RAD52: variants seen among roughly 807,000 people sequenced by gnomAD.
RAD52 encodes DNA repair protein RAD52 homolog.
RAD52 carries 47 observed loss-of-function variants against 55.5 expected under a neutral mutation model. That is an observed-to-expected ratio of 0.85 (90% CI 0.67 to 1.08). RAD52 has a LOEUF of 1.08. Among genes scored for constraint, RAD52 ranks in the 50% least tolerant of loss-of-function variants. The pLI is 0.00. For missense variants in RAD52, 468 were observed against 522.8 expected (o/e 0.90, Z 1.02); for synonymous variants, 184 against 198.9 (o/e 0.92, Z 0.63).
At chr12:974,425 A>G (rs1958909955) in intron 1 of RAD52, 1 of 152,248 alleles carries the variant, frequency 6.6e-6, no homozygotes. Flanking sequence ...CCTTGTTCCC[A>G]GCTTTCTGCC....
upstream of RAD52, chr12:990,952 A>AGTGTGTGTGTGTGAGT: frequency 1.3e-5 from 2 of 150,144 alleles, no homozygotes; most frequent in South Asian, 4.2e-4. Flanking sequence ...TGTGTGTGTG[A>AGTGTGTGTGTGTGAGT]GTGTGTGTGT....
At chr12:972,493 G>A (rs1187629739) in intron 1 of RAD52, among the ~76,000 whole-genome samples, 6 of 152,220 alleles carry the variant, frequency 3.9e-5, no homozygotes, top group Admixed American at 1.3e-4. Flanking sequence ...TAGGCCAGGC[G>A]TGGTGGCTCA....
At chr12:973,101 G>A (rs532299042) in intron 1 of RAD52, among the ~76,000 whole-genome samples, 3 of 152,106 alleles carry the variant, frequency 2.0e-5, no homozygotes, top group African/African-American at 4.8e-5. Flanking sequence ...ACGGAGTCTC[G>A]CTCTGTCGCC....
intron 8 of RAD52, 51 bp from the exon 9 acceptor site, chr12:916,534 T>A: frequency 3.7e-6 from 6 of 1,605,654 alleles, no homozygotes; most frequent in Non-Finnish European, 5.1e-6. Flanking sequence ...CAGCCGCGGC[T>A]GCTGGGAGGA....
At chr12:934,073 G>A (rs1009773704) in intron 1 of RAD52, among the ~76,000 whole-genome samples, 1 of 148,614 alleles carries the variant, frequency 6.7e-6, no homozygotes, top group Non-Finnish European at 1.5e-5. Context: ...TCGCACTCCA[G>A]CCTGGGTGAC....
At chr12:927,347 A>C (rs1957093857) in intron 5 of RAD52, 84 bp from the exon 6 acceptor site, 10 of 1,011,420 alleles carry the variant, frequency 9.9e-6, no homozygotes, top group Non-Finnish European at 1.5e-5. Context: ...AGCAGGGTTC[A>C]AAGCCGGACT....
chr12:990,734 C>A (rs1355074954), upstream of RAD52: 1 of 152,208 alleles, frequency 6.6e-6, no homozygotes, highest in Non-Finnish European at 1.5e-5. Context: ...TCGATCCCGG[C>A]GCTGCTCCCG....
intron 6 of RAD52, 78 bp from the exon 7 acceptor site, chr12:925,603 T>G: frequency 2.1e-5 from 25 of 1,202,110 alleles, no homozygotes; most frequent in Non-Finnish European, 2.8e-5. Context: ...ATTACAACTT[T>G]TGTACAGGTT....
chr12:914,090 A>G lies in RAD52; in HGVS notation c.999T>C (p.Ala333=). Residue 333 remains alanine, a synonymous_variant, in exon 11 of 12, where the codon GCT becomes GCC. Coordinates refer to ENST00000358495, the MANE Select transcript of RAD52 (RefSeq NM_134424.4). ...KTLEDNSEKW[A]VTPDAGDGVV... ...CACCATCCCCTGCATCGGGAGTCAC[A>G]GCCCACTTTTCAGAGTTGTCTTCAA... 1 of 1,614,200 alleles carries G rather than the reference A, an allele frequency of 6.2e-7. No individual in the cohort carries two copies. The highest frequency in any genetic ancestry group is 8.5e-7 in the Non-Finnish European group (1 of 1,180,024).
intron 9 of RAD52, chr12:916,092 G>C: frequency 2.8e-6 from 3 of 1,053,370 alleles, no homozygotes; most frequent in Non-Finnish European, 3.7e-6. Context: ...TCTAATTCTA[G>C]AAGATTTTAT....
intron 1 of RAD52, among the ~76,000 whole-genome samples, chr12:982,075 G>T (rs901228284): frequency 1.3e-5 from 2 of 152,174 alleles, no homozygotes; most frequent in African/African-American, 4.8e-5. Flanking sequence ...TGGCAGCCTT[G>T]TTGCTAACTG....
chr12:971,154 C>G (rs1659433549), intron 1 of RAD52, among the ~76,000 whole-genome samples: 2 of 152,156 alleles, frequency 1.3e-5, no homozygotes, highest in South Asian at 4.1e-4. Context: ...ACCTATATGT[C>G]TTTACTTCCA....
chr12:913,209 C>A lies in RAD52; in HGVS notation c.*182G>T. On this transcript the variant is annotated 3_prime_UTR_variant, in exon 12 of 12. Coordinates refer to ENST00000358495, the MANE Select transcript of RAD52 (RefSeq NM_134424.4). ...CTACTAGAGTGATGGACAAGCTTTT[C>A]AAAAGTGCTCAGCTCTAACTGCAGT... 1 of 618,310 alleles carries A rather than the reference C, an allele frequency of 1.6e-6. No homozygotes were observed. The highest frequency in any genetic ancestry group is 2.9e-6 in the Non-Finnish European group (1 of 350,574). 38.3% of individuals were successfully genotyped at this position (618,310 alleles called of 1,614,324 possible).
intron 6 of RAD52, 88 bp downstream of exon 6, chr12:927,057 G>T: frequency 1.3e-6 from 2 of 1,517,272 alleles, no homozygotes; most frequent in Non-Finnish European, 1.8e-6. Context: ...GAACCATGTG[G>T]ATGTGTTACC....
intron 1 of RAD52, among the ~76,000 whole-genome samples, chr12:936,596 G>C (rs1957645800): frequency 6.6e-6 from 1 of 151,968 alleles, no homozygotes; most frequent in Non-Finnish European, 1.5e-5. Flanking sequence ...GGGCTCAGGT[G>C]ATCCTCCCAC....
At position 912,436 on chromosome 12, in the gene RAD52, C is replaced by T. The variant is rs867455899; in HGVS notation, c.*955G>A. 9.9e-6 allele frequency: 2 copies of T among 201,200 alleles called. No individual in the cohort carries two copies. Among genetic ancestry groups the T allele is most frequent in the African/African-American group, 2.3e-5 (1 of 43,446 alleles). 12.5% of individuals were successfully genotyped at this position (201,200 alleles called of 1,614,324 possible). ...TGAATTCCACGTTCAGACTTGGGTCCCATCCCCAAGGTCTCATTATGTGTA... is the reference window on the plus strand; with the variant it reads ...TGAATTCCACGTTCAGACTTGGGTCTCATCCCCAAGGTCTCATTATGTGTA... On this transcript the variant is annotated 3_prime_UTR_variant, in exon 12 of 12. Transcript: ENST00000358495.
chr12:973,192 C>A (rs999292117), intron 1 of RAD52, among the ~76,000 whole-genome samples: 1 of 152,064 alleles, frequency 6.6e-6, no homozygotes, highest in Non-Finnish European at 1.5e-5. Flanking sequence ...GCCTCAGCCT[C>A]CCAAGTAGCT....
upstream of RAD52, among the ~76,000 whole-genome samples, chr12:952,284 G>T (rs924318724): frequency 6.6e-6 from 1 of 152,106 alleles, no homozygotes; most frequent in African/African-American, 2.4e-5. Flanking sequence ...ATTTTTTTTA[G>T]AGAGGGGTTC....
rs763779337 is a variant in RAD52 at position 925,493 on chromosome 12, A to T, written c.500T>A (p.Leu167Gln). 4 of 1,614,020 alleles carry T rather than the reference A, an allele frequency of 2.5e-6. No homozygotes were observed. The highest frequency in any genetic ancestry group is 3.4e-6 in the Non-Finnish European group (4 of 1,179,886). ...TAGTGATCTCAGGTAGTCTTTGTCC[A>T]GAATACAGTTTCCAAGTGCATTCCC... is the stretch of plus-strand genomic sequence containing the variant. ...SFGNALGNCI[L>Q]DKDYLRSLNK... The change falls in exon 7 of 12, where the codon CTG becomes CAG. Residue 167 changes from leucine to glutamine, a missense_variant. By Grantham distance (113) the Leu-to-Gln change is moderately radical. Transcript: ENST00000358495.
Sources: gnomAD v4.1 joint callset for allele counts (sites outside exome capture counted in the v4.1 genomes callset) on GRCh38, gnomAD v4.1.1 for gene constraint, MANE v1.5 for transcripts, NCBI Gene and HGNC (gene_info 2026-07-23, HGNC 2026-07-21) for gene names.